TRPM6: variants seen among roughly 807,000 people sequenced by gnomAD.
TRPM6 encodes the protein channel kinase 2.
TRPM6 carries 111 observed loss-of-function variants against 247.6 expected under a neutral mutation model. The observed-to-expected ratio is 0.45, with a 90% CI of 0.38 to 0.52. The LOEUF (loss-of-function observed/expected upper bound fraction) is 0.52, where lower values mean the gene tolerates loss of function less well. Ranked by LOEUF, TRPM6 falls within the 20% of genes least tolerant of loss-of-function variation. TRPM6 has a pLI of 0.00. For missense variants in TRPM6, 2,126 were observed against 2,421.5 expected (o/e 0.88, Z 2.56); for synonymous variants, 892 against 853.8 (o/e 1.04, Z -0.78).
rs1564020608 is a variant in TRPM6 at position 74,800,337 on chromosome 9, A to T, written c.2155T>A (p.Phe719Ile). Residue 719 changes from phenylalanine to isoleucine, a missense_variant, in exon 17 of 39, where the codon TTT becomes ATT. By Grantham distance (21) the Phe-to-Ile change is conservative (BLOSUM62 0). Around this residue, in one of 3 missense-constraint regions of TRPM6, gnomAD observed 1,082 missense variants for 1,307.9 expected, o/e 0.83. Transcript: ENST00000360774. ...KLAVSGGLRP[F>I]VSHTCTQMLL... ...ATCTGGGTACAAGTATGTGAAACAA[A>T]GGGTCGTAATCCTCCCGACACGGCC... 6.2e-7 allele frequency: 1 copy of T among 1,614,156 alleles called. No individual in the cohort carries two copies. The highest frequency in any genetic ancestry group is 8.5e-7 in the Non-Finnish European group (1 of 1,180,038).
intron 6 of TRPM6, among the ~76,000 whole-genome samples, chr9:74,828,642 T>G (rs1829438295): frequency 6.6e-6 from 1 of 151,256 alleles, no homozygotes; most frequent in Non-Finnish European, 1.5e-5. Flanking sequence ...TTTTTTTTTT[T>G]TTTTGAGATG....
chr9:74,815,231 T>C (rs1828885326), intron 11 of TRPM6, among the ~76,000 whole-genome samples: 1 of 151,440 alleles, frequency 6.6e-6, no homozygotes, highest in Non-Finnish European at 1.5e-5. Context: ...ACACACAGCA[T>C]AACACTGGAA....
chr9:74,874,467 G>A (rs1337637167), intron 1 of TRPM6, among the ~76,000 whole-genome samples: 1 of 152,136 alleles, frequency 6.6e-6, no homozygotes, highest in Non-Finnish European at 1.5e-5. Flanking sequence ...AATTCAGGAA[G>A]GAAAGGAGAG....
chr9:74,881,621 T>A (rs981407087), intron 1 of TRPM6, among the ~76,000 whole-genome samples: 11 of 152,144 alleles, frequency 7.2e-5, no homozygotes, highest in African/African-American at 2.7e-4. Flanking sequence ...CATCCAACAG[T>A]TCCAGAATAC....
intron 31 of TRPM6, among the ~76,000 whole-genome samples, 191 bp from the exon 32 acceptor site, chr9:74,744,336 G>A (rs1325239524): frequency 6.6e-6 from 1 of 152,124 alleles, no homozygotes; most frequent in Non-Finnish European, 1.5e-5. Context: ...AATCATCAAT[G>A]TAATATCTCC....
intron 36 of TRPM6, among the ~76,000 whole-genome samples, chr9:74,736,938 T>C (rs1825716381): frequency 6.6e-6 from 1 of 152,318 alleles, no homozygotes; most frequent in Non-Finnish European, 1.5e-5. Flanking sequence ...ATTAATTCCT[T>C]AAAGTTTTTC....
intron 1 of TRPM6, among the ~76,000 whole-genome samples, chr9:74,870,937 A>G (rs534109475): frequency 6.6e-6 from 1 of 152,274 alleles, no homozygotes; most frequent in South Asian, 2.1e-4. Flanking sequence ...CGTCTCAAAA[A>G]AAAAGAAAAG....
In TRPM6 at chr9:74,762,120, T is replaced by C; in HGVS notation, c.4551A>G (p.Pro1517=). Residue 1517 remains proline, a synonymous_variant, in exon 26 of 39, where the codon CCA becomes CCG. Transcript: ENST00000360774. The part of the protein sequence containing the change: ...AQSSECSEVG[P]WLQPNTSFWI... ...AAAAGGATGTGTTTGGCTGAAGCCA[T>C]GGTCCCACCTCTGAGCATTCACTAC... 6.2e-7 allele frequency: 1 copy of C among 1,614,238 alleles called. No homozygotes were observed. The highest frequency in any genetic ancestry group is 1.3e-5 in the African/African-American group (1 of 75,068).
intron 28 of TRPM6, among the ~76,000 whole-genome samples, chr9:74,754,806 G>A (rs1826380430): frequency 6.6e-6 from 1 of 152,072 alleles, no homozygotes; most frequent in Non-Finnish European, 1.5e-5. Flanking sequence ...CATCTTACCT[G>A]TCCAGACCTA....
chr9:74,777,500 A>G (rs977457399), intron 23 of TRPM6, among the ~76,000 whole-genome samples: 5 of 152,312 alleles, frequency 3.3e-5, no homozygotes, highest in Non-Finnish European at 7.4e-5. Context: ...GCTCACAAAG[A>G]GGCCTTTATT....
At chr9:74,752,401 C>G (rs764680097) in intron 28 of TRPM6, 33 bp from the exon 29 acceptor site, 1 of 1,204,350 alleles carries the variant, frequency 8.3e-7, no homozygotes, top group Non-Finnish European at 1.2e-6. Flanking sequence ...TTAGAAAATA[C>G]ATGAAAATGT....
At chr9:74,738,270 A>G (rs1217812890) in intron 36 of TRPM6, 137 bp downstream of exon 36, 4 of 855,122 alleles carry the variant, frequency 4.7e-6, no homozygotes, top group Non-Finnish European at 7.7e-6. Flanking sequence ...TCACTGTACA[A>G]TGTCTCTGAA....
intron 13 of TRPM6, among the ~76,000 whole-genome samples, chr9:74,808,701 T>G (rs1324682901): frequency 6.6e-6 from 1 of 152,198 alleles, no homozygotes; most frequent in East Asian, 1.9e-4. Context: ...CTCTCTTTGT[T>G]GAAATGGATA....
intron 3 of TRPM6, among the ~76,000 whole-genome samples, chr9:74,847,253 T>C (rs1311590442): frequency 2.0e-5 from 3 of 152,130 alleles, no homozygotes; most frequent in African/African-American, 7.2e-5. Flanking sequence ...CAGGCTGGAG[T>C]GCAGTGGTGT....
intron 19 of TRPM6, 133 bp downstream of exon 19, chr9:74,792,491 T>C: frequency 1.1e-6 from 1 of 947,058 alleles, no homozygotes; most frequent in South Asian, 1.4e-5. Context: ...CTACCTACTT[T>C]GTCATGCCCT....
intron 1 of TRPM6, chr9:74,887,599 T>G: frequency 6.5e-7 from 1 of 1,529,552 alleles, no homozygotes; most frequent in Middle Eastern, 1.8e-4. Flanking sequence ...AAACGGGGGC[T>G]GCGGGACCTG....
intron 1 of TRPM6, among the ~76,000 whole-genome samples, chr9:74,872,600 TTGTGTGTG>T (rs59577843): frequency 6.7e-6 from 1 of 150,090 alleles, no homozygotes; most frequent in East Asian, 2.0e-4. Context: ...CCAGCAAATT[TTGTGTGTG>T]TGTGTGTGTG....
chr9:74,799,306 T>G (rs902596030), intron 17 of TRPM6, among the ~76,000 whole-genome samples: 1 of 152,158 alleles, frequency 6.6e-6, no homozygotes, highest in Non-Finnish European at 1.5e-5. Flanking sequence ...ACTCTTTGTC[T>G]CTTTTTATTT....
intron 18 of TRPM6, among the ~76,000 whole-genome samples, chr9:74,796,277 G>C (rs1021674840): frequency 6.6e-6 from 1 of 152,196 alleles, no homozygotes; most frequent in Non-Finnish European, 1.5e-5. Context: ...TTGAACAATG[G>C]TGAGATATTG....
Sources: allele counts gnomAD v4.1 joint callset (sites outside exome capture counted in the v4.1 genomes callset), GRCh38; gene constraint gnomAD v4.1.1; regional missense constraint gnomAD v4.1.1; transcripts MANE v1.5; gene names NCBI Gene and HGNC (gene_info 2026-07-23, HGNC 2026-07-21).